Variants in ZMIZ1 observed in about 807,000 individuals in gnomAD.
ZMIZ1 encodes the protein zinc finger MIZ domain-containing protein 1.
A neutral mutation model predicts 113.9 loss-of-function variants in ZMIZ1; 17 were observed. The observed-to-expected ratio is 0.15, with a 90% CI of 0.10 to 0.22. The LOEUF is 0.22. ZMIZ1 is among the 10% of genes least tolerant of loss of function. The pLI, the probability that ZMIZ1 is intolerant of heterozygous loss-of-function variation, is 1.00. For missense variants in ZMIZ1, 1,059 were observed against 1,477.8 expected, an observed-to-expected ratio of 0.72 and a Z score of 4.65; for synonymous variants, 607 against 603.1, an observed-to-expected ratio of 1.01 and a Z score of -0.09.
chr10:79,208,617 C>T (rs896020066), intron 6 of ZMIZ1, among the ~76,000 whole-genome samples, 168 bp downstream of exon 6: 1 of 152,166 alleles, frequency 6.6e-6, no homozygotes, highest in African/African-American at 2.4e-5. Flanking sequence ...GTGTCCCCCA[C>T]GTGCACACCC....
intron 2 of ZMIZ1, among the ~76,000 whole-genome samples, chr10:79,124,496 A>G (rs143338475): frequency 5.9e-5 from 9 of 152,318 alleles, no homozygotes; most frequent in African/African-American, 2.2e-4. Context: ...TGGGTGATCC[A>G]TTTTGTCCAT....
chr10:79,201,590 C>A lies in ZMIZ1; in HGVS notation c.-43C>A. ...CTCTCCTTTCTCTTCGCAGGCTGGA[C>A]AACGTTCATGGCTCTCGGGTAGAAC... is the stretch of plus-strand genomic sequence containing the variant. On this transcript the variant is annotated 5_prime_UTR_variant, in exon 5 of 25. Transcript: ENST00000334512. 6.2e-7 allele frequency: 1 copy of A among 1,609,538 alleles called. No homozygotes were observed. Among genetic ancestry groups the A allele is most frequent in the Non-Finnish European group, 8.5e-7 (1 of 1,177,184 alleles).
chr10:79,240,027 G>A (rs1184484786), intron 7 of ZMIZ1, among the ~76,000 whole-genome samples: 2 of 152,186 alleles, frequency 1.3e-5, no homozygotes, highest in Non-Finnish European at 2.9e-5. Context: ...CTGCAGCGCC[G>A]TGATTTATCG....
chr10:79,260,771 T>C (rs1851216190), intron 7 of ZMIZ1, among the ~76,000 whole-genome samples: 1 of 152,096 alleles, frequency 6.6e-6, no homozygotes, highest in African/African-American at 2.4e-5. Context: ...GGAGAATGGA[T>C]TTGTGTAGTA....
intron 1 of ZMIZ1, among the ~76,000 whole-genome samples, chr10:79,097,491 C>G (rs1014162435): frequency 6.6e-6 from 1 of 152,170 alleles, no homozygotes; most frequent in Non-Finnish European, 1.5e-5. Context: ...TTACTTTGGG[C>G]CTTGCTCAAA....
At chr10:79,150,811 T>C (rs1298364344) in intron 3 of ZMIZ1, among the ~76,000 whole-genome samples, 2 of 152,030 alleles carry the variant, frequency 1.3e-5, no homozygotes, top group Admixed American at 6.5e-5. Context: ...CGACGGAGCA[T>C]GCCTCCGTCT....
At chr10:79,095,562 CCTT>C (rs1219462141) in intron 1 of ZMIZ1, among the ~76,000 whole-genome samples, 1 of 152,200 alleles carries the variant, frequency 6.6e-6, no homozygotes, top group Non-Finnish European at 1.5e-5. Flanking sequence ...GAGGCCTCAT[CCTT>C]CTTACCTGAC....
chr10:79,179,911 A>AT (rs1284725101), intron 4 of ZMIZ1, among the ~76,000 whole-genome samples: 1 of 152,110 alleles, frequency 6.6e-6, no homozygotes, highest in African/African-American at 2.4e-5. Context: ...ACCGCCACGC[A>AT]TGCCACCACC....
intron 1 of ZMIZ1, among the ~76,000 whole-genome samples, chr10:79,109,410 G>A (rs1843663187): frequency 6.6e-6 from 1 of 152,206 alleles, no homozygotes; most frequent in Middle Eastern, 3.2e-3. Context: ...CTGATCATTA[G>A]GCTCATGGAT....
At chr10:79,308,265 C>A (rs1029342525) in intron 23 of ZMIZ1, among the ~76,000 whole-genome samples, 1 of 152,208 alleles carries the variant, frequency 6.6e-6, no homozygotes, top group Non-Finnish European at 1.5e-5. Flanking sequence ...CTGCGCAGGC[C>A]ATGTGACAGG....
In ZMIZ1 at chr10:79,277,191, C is replaced by T. The variant is rs183627073; in HGVS notation, c.291C>T (p.Ser97=). The change falls in exon 8 of 25, where the codon TCC becomes TCT. Residue 97 remains serine, a synonymous_variant. Coordinates refer to ENST00000334512, the MANE Select transcript of ZMIZ1 (RefSeq NM_020338.4). ...CTGTCCTTCCTGCAGCCTTGTTGTC[C>T]TCCTGGTGCGAAGAGCTCGGCCGCC... is the stretch of plus-strand genomic sequence containing the variant. ...KFTPKSAALL[S]SWCEELGRLL... is the part of the protein sequence containing the mutation. 9.0e-6 allele frequency: 14 copies of T among 1,552,590 alleles called. No homozygotes were observed. In the African/African-American group the frequency reaches 1.5e-4, roughly 17 times the overall value.
chr10:79,241,295 T>A (rs1386820651), intron 7 of ZMIZ1, among the ~76,000 whole-genome samples: 2 of 152,206 alleles, frequency 1.3e-5, no homozygotes, highest in Admixed American at 6.5e-5. Flanking sequence ...CTGGAGGATC[T>A]GCAGTGGGGA....
chr10:79,078,202 T>C (rs1842538637), intron 1 of ZMIZ1, among the ~76,000 whole-genome samples: 1 of 152,166 alleles, frequency 6.6e-6, no homozygotes, highest in Non-Finnish European at 1.5e-5. Flanking sequence ...AAACTGAGGC[T>C]CATAATAACA....
intron 4 of ZMIZ1, among the ~76,000 whole-genome samples, chr10:79,176,185 G>T (rs2132550445): frequency 6.6e-6 from 1 of 152,134 alleles, no homozygotes; most frequent in Middle Eastern, 3.4e-3. Context: ...CATTTCAACT[G>T]CCTCTCGAAA....
intron 1 of ZMIZ1, among the ~76,000 whole-genome samples, chr10:79,080,014 C>T (rs1010717698): frequency 6.6e-6 from 1 of 152,196 alleles, no homozygotes; most frequent in African/African-American, 2.4e-5. Context: ...GTTAGGAGTC[C>T]TTAGCTGGGG....
chr10:79,075,234 A>T (rs1842429650), intron 1 of ZMIZ1, among the ~76,000 whole-genome samples: 1 of 152,152 alleles, frequency 6.6e-6, no homozygotes, highest in South Asian at 2.1e-4. Flanking sequence ...GTCAGAGTGG[A>T]CATAGCCCTT....
chr10:79,311,843 A>G lies in ZMIZ1; in HGVS notation c.3096+659A>G, dbSNP rs953164910. On this transcript the variant is annotated intron_variant, in intron 24 of 24. Coordinates refer to ENST00000334512, the MANE Select transcript of ZMIZ1 (RefSeq NM_020338.4). ...GGATGGGGCTGGCGGGATGGGACTG[A>G]GCACCGGCCCCGCCCATGCCTACAC... is the stretch of plus-strand genomic sequence containing the variant. Among the ~76,000 whole-genome samples the G allele has an allele frequency of 2.0e-5, 3 of 151,636 alleles. No homozygotes were observed. In the East Asian group the frequency reaches 5.9e-4, roughly 30 times the overall value.
intron 18 of ZMIZ1, 75 bp from the exon 19 acceptor site, chr10:79,303,940 G>T: frequency 1.3e-6 from 2 of 1,582,870 alleles, no homozygotes; most frequent in Non-Finnish European, 8.6e-7. Flanking sequence ...CGAGGAAGTG[G>T]GGAGCACGTG....
chr10:79,279,182 G>C (rs1219694407), intron 8 of ZMIZ1, among the ~76,000 whole-genome samples: 1 of 151,782 alleles, frequency 6.6e-6, no homozygotes, highest in African/African-American at 2.4e-5. Flanking sequence ...CAGCTGCCAG[G>C]GGGAGGGGCT....
Sources: allele counts gnomAD v4.1 joint callset (sites outside exome capture counted in the v4.1 genomes callset), GRCh38; gene constraint gnomAD v4.1.1; transcripts MANE v1.5; gene names NCBI Gene and HGNC (gene_info 2026-07-23, HGNC 2026-07-21).